The following ARHGAP15 variants were observed in gnomAD, a reference collection of about 807,000 sequenced individuals.
ARHGAP15 encodes the protein rho GTPase-activating protein 15.
Under a neutral mutation model 63.7 loss-of-function variants are expected in ARHGAP15, and 51 were observed. The observed-to-expected ratio is 0.80, with a 90% CI of 0.64 to 1.01. The LOEUF is 1.01. Among genes scored for constraint, ARHGAP15 ranks in the 50% least tolerant of loss-of-function variants. ARHGAP15 has a pLI of 0.00. For missense variants in ARHGAP15, 560 were observed against 564.6 expected (o/e 0.99, Z 0.08); for synonymous variants, 191 against 193.8 (o/e 0.99, Z 0.12).
chr2:143,318,385 T>C (rs1342574801), intron 6 of ARHGAP15, among the ~76,000 whole-genome samples: 1 of 151,730 alleles, frequency 6.6e-6, no homozygotes, highest in Non-Finnish European at 1.5e-5. Context: ...TGATTATGGA[T>C]ATTATCATTT....
intron 10 of ARHGAP15, 87 bp downstream of exon 10, chr2:143,519,451 C>A: frequency 1.9e-6 from 2 of 1,030,056 alleles, no homozygotes; most frequent in Non-Finnish European, 2.9e-6. Context: ...CCTGATTTGT[C>A]TGAGAAGCCA....
At chr2:143,545,219 C>CAGAGGCAAGCCATCAAAACCTTCCAGGA (rs1695277946) in intron 10 of ARHGAP15, among the ~76,000 whole-genome samples, 1 of 152,094 alleles carries the variant, frequency 6.6e-6, no homozygotes, top group African/African-American at 2.4e-5. Context: ...GAATGCTTAG[C>CAGAGGCAAGCCATCAAAACCTTCCAGGA]AGAGGCAAGC....
chr2:143,253,632 A>C (rs751879409), intron 6 of ARHGAP15, among the ~76,000 whole-genome samples: 15 of 151,840 alleles, frequency 9.9e-5, no homozygotes, highest in Admixed American at 3.9e-4. Context: ...TCTTTGGCCT[A>C]ATTGGTACTT....
intron 9 of ARHGAP15, among the ~76,000 whole-genome samples, chr2:143,499,964 C>T (rs1037646475): frequency 2.0e-5 from 3 of 151,908 alleles, no homozygotes; most frequent in Non-Finnish European, 4.4e-5. Context: ...ATCAGCAATA[C>T]TTATATAAAA....
At chr2:143,404,390 T>C (rs1196985235) in intron 6 of ARHGAP15, among the ~76,000 whole-genome samples, 1 of 151,926 alleles carries the variant, frequency 6.6e-6, no homozygotes, top group Non-Finnish European at 1.5e-5. Context: ...AAGATATGTA[T>C]AGAATATAAA....
chr2:143,767,214 T>C (rs2072951729), intron 13 of ARHGAP15, among the ~76,000 whole-genome samples: 2 of 152,178 alleles, frequency 1.3e-5, no homozygotes, highest in African/African-American at 4.8e-5. Flanking sequence ...TTTTTAATTA[T>C]CAGTTTCTAG....
chr2:143,651,782 G>A (rs943196968), intron 12 of ARHGAP15, among the ~76,000 whole-genome samples: 2 of 151,918 alleles, frequency 1.3e-5, no homozygotes, highest in Admixed American at 6.6e-5. Context: ...GTATTACATT[G>A]TGGTTTGTAT....
chr2:143,190,553 C>A (rs937493144), intron 2 of ARHGAP15, among the ~76,000 whole-genome samples: 12 of 152,144 alleles, frequency 7.9e-5, no homozygotes, highest in Admixed American at 2.0e-4. Context: ...CTCTGCAATG[C>A]CAAGTGACCT....
At chr2:143,633,924 C>G (rs1170490320) in intron 12 of ARHGAP15, among the ~76,000 whole-genome samples, 1 of 152,136 alleles carries the variant, frequency 6.6e-6, no homozygotes, top group Non-Finnish European at 1.5e-5. Flanking sequence ...ACCCCCAACT[C>G]TGACTCAGGC....
intron 2 of ARHGAP15, among the ~76,000 whole-genome samples, chr2:143,171,170 C>G (rs557673256): frequency 6.6e-6 from 1 of 152,110 alleles, no homozygotes; most frequent in African/African-American, 2.4e-5. Flanking sequence ...TGCTTCACCT[C>G]ATGAACATGG....
At chr2:143,691,296 G>A (rs775273584) in intron 12 of ARHGAP15, among the ~76,000 whole-genome samples, 21 of 152,140 alleles carry the variant, frequency 1.4e-4, no homozygotes, top group African/African-American at 2.2e-4. Flanking sequence ...AGGAAATGGG[G>A]TGTCACTCTG....
intron 13 of ARHGAP15, among the ~76,000 whole-genome samples, chr2:143,763,722 GTATGTA>G (rs140872756): frequency 0.025 from 3,620 of 147,062 alleles, 107 homozygotes; most frequent in African/African-American, 0.08. Flanking sequence ...GTATGTATAT[GTATGTA>G]TATGTATATG....
intron 1 of ARHGAP15, among the ~76,000 whole-genome samples, chr2:143,145,404 A>G (rs1017219687): frequency 6.6e-6 from 1 of 151,920 alleles, no homozygotes; most frequent in Non-Finnish European, 1.5e-5. Flanking sequence ...CTGGTCATTC[A>G]TTGCCTCACT....
At chr2:143,204,691 A>G (rs922690532) in intron 3 of ARHGAP15, among the ~76,000 whole-genome samples, 3 of 152,080 alleles carry the variant, frequency 2.0e-5, no homozygotes, top group African/African-American at 4.8e-5. Context: ...GAAACATCCA[A>G]TGGTTCACTA....
Position 143,199,679 on chromosome 2 carries a change from A to G in ARHGAP15, c.166-2455A>G, listed in dbSNP as rs371782111. ...TCACATCCCTTGATCTGAACTAGTCACATGGCCACTCCTAACTGCAAGGTA... is the reference window on the plus strand; with the variant it reads ...TCACATCCCTTGATCTGAACTAGTCGCATGGCCACTCCTAACTGCAAGGTA... On this transcript the variant is annotated intron_variant, in intron 2 of 13. Coordinates refer to ENST00000295095, the MANE Select transcript of ARHGAP15 (RefSeq NM_018460.4). 1.4e-4 allele frequency among the ~76,000 whole-genome samples: 21 copies of G among 152,218 alleles called. No individual in the cohort carries two copies. The East Asian group carries it at 3.7e-3, about 27-fold the overall frequency.
At chr2:143,200,192 G>A (rs976740011) in intron 2 of ARHGAP15, among the ~76,000 whole-genome samples, 2 of 152,098 alleles carry the variant, frequency 1.3e-5, no homozygotes, top group African/African-American at 4.8e-5. Flanking sequence ...GTTCTCCAGG[G>A]TTTCTGGCCC....
rs1693959539 is a variant in ARHGAP15 at position 143,519,295 on chromosome 2, G to A, written c.856G>A (p.Val286Met). ...DQIFGSHLHK[V>M]CERENSTVPW... Reference sequence around the variant, plus strand: ...AATTTTTGGCTCTCATCTGCACAAAGTGTGTGAACGTGAAAATTCCACAGT... The same window carrying A: ...AATTTTTGGCTCTCATCTGCACAAAATGTGTGAACGTGAAAATTCCACAGT... Residue 286 changes from valine (V) to methionine (M), a missense_variant, in exon 10 of 14, where the codon GTG (valine) becomes ATG (methionine). Val to Met is a conservative substitution (Grantham distance 21, BLOSUM62 1). Coordinates refer to ENST00000295095, the MANE Select transcript of ARHGAP15 (RefSeq NM_018460.4). The A allele has an allele frequency of 6.2e-7, 1 of 1,613,134 alleles. No individual in the cohort carries two copies. Among genetic ancestry groups the A allele is most frequent in the African/African-American group, 1.3e-5 (1 of 74,910 alleles).
chr2:143,150,701 A>G (rs1689780456), intron 1 of ARHGAP15, among the ~76,000 whole-genome samples: 1 of 152,008 alleles, frequency 6.6e-6, no homozygotes, highest in South Asian at 2.1e-4. Context: ...CAGTTCTTCA[A>G]TATTTTCATT....
intron 10 of ARHGAP15, among the ~76,000 whole-genome samples, chr2:143,527,460 G>C (rs79112913): frequency 1.4e-5 from 2 of 146,850 alleles, no homozygotes; most frequent in Admixed American, 7.0e-5. Context: ...GTTTCAAGTC[G>C]CTTCCTATTT....
Sources: allele counts gnomAD v4.1 joint callset (sites outside exome capture counted in the v4.1 genomes callset), GRCh38; gene constraint gnomAD v4.1.1; transcripts MANE v1.5; gene names NCBI Gene and HGNC (gene_info 2026-07-23, HGNC 2026-07-21).